NCKAP5: variants seen among roughly 807,000 people sequenced by gnomAD.
NCKAP5 encodes nck-associated protein 5.
A neutral mutation model predicts 167.0 loss-of-function variants in NCKAP5; 92 were observed. The ratio of observed to expected loss-of-function variants is 0.55; its 90% CI spans 0.47 to 0.66. NCKAP5 has a LOEUF of 0.66. Among genes scored for constraint, NCKAP5 ranks in the 30% least tolerant of loss-of-function variants. The probability of loss-of-function intolerance (pLI) is 0.00; values close to 1 mark genes in which losing one functional copy is unlikely to be tolerated. For missense variants in NCKAP5, 2,378 were observed against 2,315.0 expected (o/e 1.03, Z -0.56); for synonymous variants, 891 against 877.4 (o/e 1.02, Z -0.27).
At chr2:132,920,771 G>GTGTGTATATATATATATA (rs1219401757) in intron 8 of NCKAP5, among the ~76,000 whole-genome samples, 1 of 31,570 alleles carries the variant, frequency 3.2e-5, no homozygotes, top group Non-Finnish European at 6.5e-5. Context: ...ATATATGTAT[G>GTGTGTATATATATATATA]TATATATATA....
intron 3 of NCKAP5, among the ~76,000 whole-genome samples, chr2:133,339,851 C>A (rs1022414710): frequency 2.6e-5 from 4 of 152,172 alleles, no homozygotes; most frequent in Non-Finnish European, 4.4e-5. Flanking sequence ...GTAAGTAGGC[C>A]ATACATTTTA....
At chr2:133,459,111 C>T (rs1479342190) in intron 3 of NCKAP5, among the ~76,000 whole-genome samples, 1 of 152,134 alleles carries the variant, frequency 6.6e-6, no homozygotes, top group African/African-American at 2.4e-5. Context: ...GTAGAACTAA[C>T]ACAAAGCCTT....
chr2:132,822,613 A>T (rs1686831650), intron 11 of NCKAP5, among the ~76,000 whole-genome samples: 1 of 152,176 alleles, frequency 6.6e-6, no homozygotes, highest in East Asian at 1.9e-4. Context: ...ATGAGAAAGA[A>T]CCAGAAAAGT....
intron 5 of NCKAP5, among the ~76,000 whole-genome samples, chr2:133,130,441 A>G (rs949906124): frequency 2.6e-5 from 4 of 152,246 alleles, no homozygotes; most frequent in African/African-American, 7.2e-5. Context: ...AATGCACAAT[A>G]AGTCAGATAA....
intron 6 of NCKAP5, among the ~76,000 whole-genome samples, chr2:133,070,760 T>A (rs758189757): frequency 6.6e-6 from 1 of 152,162 alleles, no homozygotes; most frequent in Non-Finnish European, 1.5e-5. Flanking sequence ...TGTGTGTATG[T>A]GTGTGTGTAT....
In NCKAP5 at chr2:132,788,699, G is replaced by A. The variant is rs184074667; in HGVS notation, c.1092+1324C>T. On this transcript the variant is annotated intron_variant, in intron 13 of 19. Coordinates refer to ENST00000409261, the MANE Select transcript of NCKAP5 (RefSeq NM_207363.3). ...TGTAGGGCAGGCTAGTGCATTTCATGCAGGCTTCCTTTCTGTTTGTACACA... is the reference window on the plus strand; with the variant it reads ...TGTAGGGCAGGCTAGTGCATTTCATACAGGCTTCCTTTCTGTTTGTACACA... Among the ~76,000 whole-genome samples the A allele has an allele frequency of 4.9e-4, 75 of 152,290 alleles. 1 individual carries two copies. The highest frequency in any genetic ancestry group is 1.6e-3 in the African/African-American group (68 of 41,568).
chr2:133,223,202 G>C (rs569019075), intron 4 of NCKAP5, among the ~76,000 whole-genome samples: 22 of 152,250 alleles, frequency 1.4e-4, no homozygotes, highest in African/African-American at 5.1e-4. Flanking sequence ...AAATTAGATA[G>C]ATGATTACTC....
intron 3 of NCKAP5, among the ~76,000 whole-genome samples, chr2:133,493,498 G>T (rs565950781): frequency 6.6e-6 from 1 of 152,112 alleles, no homozygotes; most frequent in African/African-American, 2.4e-5. Context: ...TAGGTACCAC[G>T]GGAGTAAAGA....
intron 4 of NCKAP5, among the ~76,000 whole-genome samples, chr2:133,274,398 A>C (rs2089645312): frequency 6.6e-6 from 1 of 152,072 alleles, no homozygotes; most frequent in South Asian, 2.1e-4. Flanking sequence ...AGTAAATAGT[A>C]AAACATATAA....
chr2:132,825,118 C>A (rs1332312922), intron 11 of NCKAP5, among the ~76,000 whole-genome samples: 1 of 152,210 alleles, frequency 6.6e-6, no homozygotes, highest in East Asian at 1.9e-4. Context: ...CTGAAGCCAA[C>A]TTTCTCTACT....
At chr2:133,062,022 T>C (rs1175395860) in intron 6 of NCKAP5, among the ~76,000 whole-genome samples, 1 of 152,242 alleles carries the variant, frequency 6.6e-6, no homozygotes, top group Non-Finnish European at 1.5e-5. Flanking sequence ...TCTCTTACTA[T>C]GCTTTCATTT....
intron 9 of NCKAP5, among the ~76,000 whole-genome samples, chr2:132,873,355 C>T (rs532777443): frequency 3.9e-5 from 6 of 152,194 alleles, no homozygotes; most frequent in Admixed American, 6.5e-5. Context: ...CCTCATGATC[C>T]GCCCGCCTCG....
At chr2:133,326,204 C>G (rs1179091585) in intron 3 of NCKAP5, among the ~76,000 whole-genome samples, 2 of 152,118 alleles carry the variant, frequency 1.3e-5, no homozygotes, top group Admixed American at 6.5e-5. Context: ...GCCTGTAATC[C>G]CAGCACTTTG....
At chr2:133,338,837 A>ATC (rs1683386185) in intron 3 of NCKAP5, among the ~76,000 whole-genome samples, 1 of 151,952 alleles carries the variant, frequency 6.6e-6, no homozygotes, top group South Asian at 2.1e-4. Context: ...GTGAAACCCT[A>ATC]TCTCTCCAAA....
chr2:132,754,388 A>C (rs1380910062), intron 16 of NCKAP5, among the ~76,000 whole-genome samples: 1 of 151,010 alleles, frequency 6.6e-6, no homozygotes, highest in Non-Finnish European at 1.5e-5. Flanking sequence ...CCTACTATTT[A>C]TTCAAGCAAG....
chr2:133,618,082 G>A, the NCKAP5 span, among the ~76,000 whole-genome samples: 1 of 149,872 alleles, frequency 6.7e-6, no homozygotes, highest in Non-Finnish European at 1.5e-5. Context: ...AAATGGTGCT[G>A]GGAAAACTGG....
At chr2:132,765,685 G>C (rs1396833752) in intron 16 of NCKAP5, among the ~76,000 whole-genome samples, 1 of 152,084 alleles carries the variant, frequency 6.6e-6, no homozygotes, top group Admixed American at 6.5e-5. Flanking sequence ...CCTTGGTAGG[G>C]GGCTGGCTGC....
intron 6 of NCKAP5, among the ~76,000 whole-genome samples, chr2:133,063,336 C>T (rs1182987118): frequency 6.6e-6 from 1 of 152,180 alleles, no homozygotes; most frequent in Admixed American, 6.5e-5. Flanking sequence ...ATTAAGCTGG[C>T]ATTGACAGGG....
intron 4 of NCKAP5, among the ~76,000 whole-genome samples, chr2:133,289,891 A>G (rs1217740689): frequency 6.6e-6 from 1 of 152,162 alleles, no homozygotes; most frequent in Non-Finnish European, 1.5e-5. Context: ...TGGCCAGAGG[A>G]AGAAGCAAGC....
Sources: allele counts gnomAD v4.1 joint callset (sites outside exome capture counted in the v4.1 genomes callset), GRCh38; gene constraint gnomAD v4.1.1; transcripts MANE v1.5; gene names NCBI Gene and HGNC (gene_info 2026-07-23, HGNC 2026-07-21).